Variants in CHCT1 observed in about 807,000 individuals in gnomAD.
CHCT1 encodes the protein CHD1 helical C-terminal domain containing 1.
the CHCT1 span, chr17:60,422,666 G>C: frequency 6.5e-7 from 1 of 1,535,356 alleles, no homozygotes; most frequent in Non-Finnish European, 8.8e-7. Context: ...GTGAGGGAGG[G>C]AGGGAAGGAG....
At chr17:60,427,290 G>T in the CHCT1 span, among the ~76,000 whole-genome samples, 42 of 152,282 alleles carry the variant, frequency 2.8e-4, no homozygotes, top group African/African-American at 9.9e-4. Flanking sequence ...CCAGAAAAAG[G>T]GTGGTACTTC....
the CHCT1 span, chr17:60,429,407 G>A: frequency 1.3e-5 from 21 of 1,614,044 alleles, no homozygotes; most frequent in African/African-American, 1.1e-4. Flanking sequence ...CTTGCTGGCC[G>A]ACCGGGAAGA....
the CHCT1 span, chr17:60,425,915 C>A: frequency 6.6e-7 from 1 of 1,516,380 alleles, no homozygotes; most frequent in Non-Finnish European, 9.0e-7. Context: ...GAACCCTGTC[C>A]CCTTTTCCCC....
the CHCT1 span, among the ~76,000 whole-genome samples, chr17:60,430,296 G>A: frequency 2.0e-5 from 3 of 151,838 alleles, no homozygotes; most frequent in African/African-American, 4.8e-5. Flanking sequence ...AATGAAACAT[G>A]TTTTTGGCTA....
chr17:60,424,025 C>T, the CHCT1 span, among the ~76,000 whole-genome samples: 1 of 152,176 alleles, frequency 6.6e-6, no homozygotes. Context: ...GAAGAGGGAG[C>T]AAGCTTGTCA....
chr17:60,427,995 C>T, the CHCT1 span, among the ~76,000 whole-genome samples: 50 of 152,066 alleles, frequency 3.3e-4, no homozygotes, highest in Non-Finnish European at 5.9e-5. Context: ...CATTAGAATC[C>T]ATTGGTTTCA....
chr17:60,427,999 G>A, the CHCT1 span, among the ~76,000 whole-genome samples: 1 of 152,070 alleles, frequency 6.6e-6, no homozygotes, highest in Non-Finnish European at 1.5e-5. Context: ...AGAATCCATT[G>A]GTTTCAGGGG....
chr17:60,421,392 C>T, the CHCT1 span: 4 of 985,518 alleles, frequency 4.1e-6, no homozygotes, highest in Non-Finnish European at 4.8e-6. Flanking sequence ...CTATGCCCCT[C>T]TCCTGTGCCC....
the CHCT1 span, among the ~76,000 whole-genome samples, chr17:60,429,876 A>G: frequency 5.0e-4 from 76 of 151,964 alleles, no homozygotes; most frequent in African/African-American, 1.6e-3. Flanking sequence ...CCAGGCTGGA[A>G]TGCAATGGCG....
the CHCT1 span, chr17:60,422,513 T>G: frequency 6.5e-7 from 1 of 1,542,814 alleles, no homozygotes; most frequent in African/African-American, 1.4e-5. Flanking sequence ...CTGAGACGGC[T>G]AGGTCACAGA....
chr17:60,429,353 C>A, the CHCT1 span: 3 of 1,611,934 alleles, frequency 1.9e-6, no homozygotes, highest in Non-Finnish European at 2.5e-6. Flanking sequence ...CACGGAGGCT[C>A]CATGGCAGGT....
At chr17:60,422,038 G>C in the CHCT1 span, 10 of 770,702 alleles carry the variant, frequency 1.3e-5, no homozygotes, top group East Asian at 1.3e-4. Context: ...ACCCAGCACG[G>C]AGGGCTTATT....
At chr17:60,429,513 GC>G in the CHCT1 span, 1 of 1,614,236 alleles carries the variant, frequency 6.2e-7, no homozygotes, top group East Asian at 2.2e-5. Context: ...GGTCAAGGGA[GC>G]CCCCTGCCTG....
At chr17:60,426,035 C>T in the CHCT1 span, 8 of 1,277,238 alleles carry the variant, frequency 6.3e-6, no homozygotes, top group Non-Finnish European at 7.6e-6. Flanking sequence ...ACCAGAGCCA[C>T]CTCCCGAAAC....
At chr17:60,424,347 G>C in the CHCT1 span, among the ~76,000 whole-genome samples, 1 of 152,178 alleles carries the variant, frequency 6.6e-6, no homozygotes, top group Non-Finnish European at 1.5e-5. Flanking sequence ...TGCCAAGTGA[G>C]TGAGTAAATG....
the CHCT1 span, chr17:60,421,347 G>C: frequency 3.0e-6 from 3 of 985,316 alleles, no homozygotes; most frequent in African/African-American, 1.7e-5. Context: ...CTCCTCCAAA[G>C]CTCCGGGCCT....
chr17:60,429,973 C>T, the CHCT1 span, among the ~76,000 whole-genome samples: 1 of 151,740 alleles, frequency 6.6e-6, no homozygotes, highest in Non-Finnish European at 1.5e-5. Flanking sequence ...TAGAGATGCC[C>T]ATCACCATGC....
the CHCT1 span, among the ~76,000 whole-genome samples, chr17:60,424,750 G>C: frequency 1.3e-5 from 2 of 151,962 alleles, no homozygotes; most frequent in African/African-American, 4.8e-5. Flanking sequence ...GTGCACGCCT[G>C]TAATCCCAGC....
At chr17:60,424,756 C>G in the CHCT1 span, among the ~76,000 whole-genome samples, 1 of 152,118 alleles carries the variant, frequency 6.6e-6, no homozygotes, top group East Asian at 1.9e-4. Flanking sequence ...GCCTGTAATC[C>G]CAGCTACTCG....
Sources: allele counts gnomAD v4.1 joint callset (sites outside exome capture counted in the v4.1 genomes callset), GRCh38; gene constraint gnomAD v4.1.1; transcripts MANE v1.5; gene names NCBI Gene and HGNC (gene_info 2026-07-23, HGNC 2026-07-21).